SLIT1: variants seen among roughly 807,000 people sequenced by gnomAD.
SLIT1 encodes slit homolog 1 protein.
A neutral mutation model predicts 186.1 loss-of-function variants in SLIT1; 66 were observed. The observed-to-expected ratio is 0.35, with a 90% confidence interval of 0.29 to 0.44. The LOEUF is 0.44. Among genes scored for constraint, SLIT1 ranks in the 20% least tolerant of loss-of-function variants. The pLI is 1.00. For synonymous variants in SLIT1, 761 were observed against 833.8 expected, an observed-to-expected ratio of 0.91 and a Z score of 1.50; for missense variants, 1,638 against 2,037.4, an observed-to-expected ratio of 0.80 and a Z score of 3.77.
At chr10:97,145,525 TCTCTGC>T (rs1849808386) in intron 4 of SLIT1, among the ~76,000 whole-genome samples, 1 of 152,098 alleles carries the variant, frequency 6.6e-6, no homozygotes, top group Non-Finnish European at 1.5e-5. Context: ...GCCTGACCCC[TCTCTGC>T]CGGGCTGTAG....
intron 4 of SLIT1, among the ~76,000 whole-genome samples, chr10:97,092,564 A>C (rs1048185998): frequency 6.6e-6 from 1 of 152,238 alleles, no homozygotes; most frequent in South Asian, 2.1e-4. Flanking sequence ...AGAGCAGCCA[A>C]GGTCCAGAGG....
rs914971994 is a variant in SLIT1 at position 97,043,739 on chromosome 10, G to GTC, written c.1854-228_1854-227dup. ...CGCCTCTGAGAAGCCTCGAGGCTCTGTCTCTCTCTCCCTGCCACTGCCCTG... is the reference window on the plus strand; with the variant it reads ...CGCCTCTGAGAAGCCTCGAGGCTCTGTCTCTCTCTCTCCCTGCCACTGCCCTG... On this transcript the variant is annotated intron_variant, in intron 18 of 36. Transcript: ENST00000266058. This position sits in a 1 kb window ranked among gnomAD's most constrained non-coding sequence, Gnocchi z 7.0. Among the ~76,000 whole-genome samples, 16 of 152,238 alleles carry GTC rather than the reference G, an allele frequency of 1.1e-4. No individual in the cohort carries two copies. Among genetic ancestry groups the GTC allele is most frequent in the African/African-American group, 3.9e-4 (16 of 41,550 alleles).
intron 17 of SLIT1, 84 bp downstream of exon 17, chr10:97,046,907 G>A: frequency 1.3e-6 from 2 of 1,568,920 alleles, no homozygotes. Flanking sequence ...CCCCCGCCGT[G>A]GGAGCTGCCC....
At chr10:97,032,728 T>C (rs1039882511) in intron 23 of SLIT1, among the ~76,000 whole-genome samples, 7 of 147,174 alleles carry the variant, frequency 4.8e-5, no homozygotes, top group East Asian at 2.2e-4. Flanking sequence ...TGCAATAGCG[T>C]CATGCTGGAA....
intron 4 of SLIT1, among the ~76,000 whole-genome samples, chr10:97,145,270 A>G (rs2636798): frequency 0.69 from 104,586 of 151,934 alleles, 37,327 homozygotes; most frequent in Non-Finnish European, 0.78. Context: ...GGCGCCTGCC[A>G]TCACACCCGG....
intron 21 of SLIT1, 21 bp from the exon 22 acceptor site, chr10:97,037,787 C>G: frequency 6.3e-7 from 1 of 1,588,674 alleles, no homozygotes; most frequent in Non-Finnish European, 8.6e-7. Context: ...AACACAGCGG[C>G]GTTAGTGCCC....
Position 97,157,830 on chromosome 10 carries a change from G to A in SLIT1, c.401C>T (p.Ala134Val). 6.2e-7 allele frequency: 1 copy of A among 1,613,588 alleles called. No homozygotes were observed. Among genetic ancestry groups the A allele is most frequent in the Non-Finnish European group, 8.5e-7 (1 of 1,179,462 alleles). Residue 134 changes from alanine (A) to valine (V), a missense_variant, in exon 4 of 37, where the codon GCT (alanine) becomes GTT (valine). Physicochemically the swap from Ala to Val is moderately conservative, Grantham distance 64 (BLOSUM62 0). Around this residue, in one of 3 missense-constraint regions of SLIT1, gnomAD observed 1,245 missense variants for 1,535.3 expected, o/e 0.81. Coordinates refer to ENST00000266058, the MANE Select transcript of SLIT1 (RefSeq NM_003061.3). ...GAGCGTCACTCACAGTCTTGACAAA[G>A]CCTGGTTGTTCTGGAACAGCAGTTC... is the stretch of plus-strand genomic sequence containing the variant. ...LPELLFQNNQ[A>V]LSRLDLSENA...
At position 97,185,489 on chromosome 10, in the gene SLIT1, G is replaced by C. The variant is rs759946178; in HGVS notation, c.186C>G (p.Asn62Lys). 1.9e-6 allele frequency: 3 copies of C among 1,611,994 alleles called. No homozygotes were observed. Among genetic ancestry groups the C allele is most frequent in the East Asian group, 4.5e-5 (2 of 44,834 alleles). Residue 62 changes from asparagine (N) to lysine (K), a missense_variant, in exon 1 of 37, where the codon AAC becomes AAG. Coordinates refer to ENST00000266058, the MANE Select transcript of SLIT1 (RefSeq NM_003061.3). ...LQAIPKNIPR[N>K]TERLELNGNN... is the part of the protein sequence containing the mutation. ...GGGACCATACTCACAGGCGCTCGGTGTTCCGAGGTATATTCTTGGGAATGG... is the reference window on the plus strand; with the variant it reads ...GGGACCATACTCACAGGCGCTCGGTCTTCCGAGGTATATTCTTGGGAATGG...
intron 26 of SLIT1, among the ~76,000 whole-genome samples, chr10:97,019,499 C>A (rs1046577329): frequency 2.6e-5 from 4 of 152,196 alleles, no homozygotes; most frequent in Admixed American, 2.6e-4. Flanking sequence ...GGCAATGACC[C>A]CATCCTGACA....
intron 4 of SLIT1, among the ~76,000 whole-genome samples, chr10:97,104,535 G>A (rs1849393504): frequency 6.6e-6 from 1 of 151,992 alleles, no homozygotes; most frequent in Admixed American, 6.5e-5. Flanking sequence ...ACAAGCAAAT[G>A]TACGTGCCCA....
At chr10:97,073,496 A>AG (rs1849019570) in intron 4 of SLIT1, among the ~76,000 whole-genome samples, 1 of 152,212 alleles carries the variant, frequency 6.6e-6, no homozygotes, top group Admixed American at 6.5e-5. Flanking sequence ...GGAGCCAGAC[A>AG]GGGGTTCAGA....
chr10:97,042,946 T>A lies in SLIT1; in HGVS notation c.2119A>T (p.Ile707Phe). 1 of 1,614,220 alleles carries A rather than the reference T, an allele frequency of 6.2e-7. No individual in the cohort carries two copies. Among genetic ancestry groups the A allele is most frequent in the Non-Finnish European group, 8.5e-7 (1 of 1,180,042 alleles). Reference protein sequence around the residue: ...RCQNPDFLRQIPLQDVAFPDF... With the variant: ...RCQNPDFLRQFPLQDVAFPDF... ...GGGAAGGCCACGTCCTGCAGGGGAA[T>A]CTGCCGCAAAAAGTCAGGGTTCTGG... The change falls in exon 20 of 37, where the codon ATT (isoleucine) becomes TTT (phenylalanine). Residue 707 changes from isoleucine to phenylalanine, a missense_variant. Around this residue, in one of 3 missense-constraint regions of SLIT1, gnomAD observed 1,245 missense variants for 1,535.3 expected, o/e 0.81. Transcript: ENST00000266058.
intron 4 of SLIT1, among the ~76,000 whole-genome samples, chr10:97,069,832 C>T (rs1848985496): frequency 6.6e-6 from 1 of 152,218 alleles, no homozygotes; most frequent in Non-Finnish European, 1.5e-5. Context: ...GGCTCATTCT[C>T]TTCCTCCTGA....
chr10:97,128,736 T>A (rs1407641226), intron 4 of SLIT1, among the ~76,000 whole-genome samples: 1 of 152,042 alleles, frequency 6.6e-6, no homozygotes, highest in Admixed American at 6.5e-5. Flanking sequence ...AAGAGCAAGA[T>A]GAAGAGGAAA....
chr10:97,099,993 T>C (rs1164228692), intron 4 of SLIT1, among the ~76,000 whole-genome samples: 1 of 152,212 alleles, frequency 6.6e-6, no homozygotes, highest in African/African-American at 2.4e-5. Context: ...ACTTAGAGTG[T>C]GGCCAGAGAA....
intron 34 of SLIT1, 116 bp downstream of exon 34, chr10:97,003,952 C>T (rs1848335238): frequency 8.1e-6 from 8 of 993,106 alleles, no homozygotes; most frequent in Non-Finnish European, 1.2e-5. Context: ...AGCTTGGCCA[C>T]CACCAGGATC....
intron 3 of SLIT1, among the ~76,000 whole-genome samples, chr10:97,159,758 C>T (rs1444967420): frequency 6.6e-6 from 1 of 152,148 alleles, no homozygotes; most frequent in Non-Finnish European, 1.5e-5. Context: ...GGCGGGAAAG[C>T]GGAGCGTAAA....
intron 4 of SLIT1, among the ~76,000 whole-genome samples, chr10:97,134,534 C>G (rs1849683988): frequency 6.6e-6 from 1 of 152,180 alleles, no homozygotes; most frequent in Admixed American, 6.5e-5. Flanking sequence ...CAGAGCCCAC[C>G]TGCCCACCCT....
chr10:97,046,903 C>A, intron 17 of SLIT1, 88 bp downstream of exon 17: 1 of 1,567,160 alleles, frequency 6.4e-7, no homozygotes, highest in Non-Finnish European at 8.8e-7. Flanking sequence ...TGGCCCCCCG[C>A]CGTGGGAGCT....
Sources: gnomAD v4.1 joint callset for allele counts (sites outside exome capture counted in the v4.1 genomes callset) on GRCh38, gnomAD v4.1.1 for gene constraint, gnomAD v4.1.1 regional missense constraint, Gnocchi (gnomAD v3.1) non-coding constraint, MANE v1.5 for transcripts, NCBI Gene and HGNC (gene_info 2026-07-23, HGNC 2026-07-21) for gene names.